The following ZNF362 variants were observed in gnomAD, a reference collection of about 807,000 sequenced individuals.
ZNF362 encodes zinc finger protein 362, also known as rotund homolog.
ZNF362 carries 11 observed loss-of-function variants against 42.9 expected under a neutral mutation model. That is an observed-to-expected ratio of 0.26 (90% CI 0.16 to 0.42). ZNF362 has a LOEUF of 0.42. Ranked by LOEUF, ZNF362 falls within the 20% of genes least tolerant of loss-of-function variation. The pLI is 1.00. For missense variants in ZNF362, 362 were observed against 576.2 expected (o/e 0.63, Z 3.81); for synonymous variants, 255 against 257.3 (o/e 0.99, Z 0.09).
At chr1:33,194,218 G>A in the ZNF362 span, among the ~76,000 whole-genome samples, 1 of 152,144 alleles carries the variant, frequency 6.6e-6, no homozygotes, top group East Asian at 1.9e-4. Flanking sequence ...AGCACAAAGA[G>A]ATGAAATTAT....
the ZNF362 span, among the ~76,000 whole-genome samples, chr1:33,131,094 G>T: frequency 6.6e-6 from 1 of 152,200 alleles, no homozygotes; most frequent in South Asian, 2.1e-4. Context: ...CAGACTCAAG[G>T]TTGGTCAAAG....
the ZNF362 span, among the ~76,000 whole-genome samples, chr1:33,171,877 G>C: frequency 6.6e-6 from 1 of 152,146 alleles, no homozygotes; most frequent in African/African-American, 2.4e-5. Flanking sequence ...TGCCTCCCAG[G>C]TTCAAGTGAT....
chr1:33,181,145 G>A, the ZNF362 span: 3 of 1,600,402 alleles, frequency 1.9e-6, no homozygotes, highest in South Asian at 3.3e-5. The surrounding 1 kb of genome is among the most constrained non-coding windows in gnomAD (Gnocchi z 6.5). Context: ...TGACCTTGTC[G>A]TGCGCCTGGC....
chr1:33,275,884 G>C (rs570087783), intron 2 of ZNF362, among the ~76,000 whole-genome samples: 18 of 152,076 alleles, frequency 1.2e-4, no homozygotes, highest in South Asian at 6.2e-4. Flanking sequence ...GCCCACTAAG[G>C]GGGGGTGGTG....
the ZNF362 span, among the ~76,000 whole-genome samples, chr1:33,249,497 A>G: frequency 1.3e-5 from 2 of 152,206 alleles, no homozygotes; most frequent in Non-Finnish European, 2.9e-5. Flanking sequence ...TCTGCTTAAC[A>G]GGGCCAAATG....
chr1:33,194,157 A>G, the ZNF362 span, among the ~76,000 whole-genome samples: 3 of 152,354 alleles, frequency 2.0e-5, no homozygotes, highest in Admixed American at 6.5e-5. Context: ...AGAGAGAATT[A>G]GTACACTCAA....
chr1:33,215,423 A>T, the ZNF362 span, among the ~76,000 whole-genome samples: 115 of 152,302 alleles, frequency 7.6e-4, no homozygotes, highest in South Asian at 8.1e-3. Context: ...AATGAATAAT[A>T]TCCTAGTATT....
chr1:33,278,798 A>G (rs975582149), intron 4 of ZNF362, among the ~76,000 whole-genome samples: 1 of 152,230 alleles, frequency 6.6e-6, no homozygotes, highest in Admixed American at 6.5e-5. Context: ...TCACTGTATC[A>G]CATCGATCTT....
the ZNF362 span, chr1:33,195,956 A>ACTTAG: frequency 6.6e-6 from 1 of 152,140 alleles, no homozygotes; most frequent in African/African-American, 2.4e-5. Flanking sequence ...CTGTAATAAC[A>ACTTAG]CTTAGCTTAA....
At chr1:33,128,576 C>T in the ZNF362 span, among the ~76,000 whole-genome samples, 8 of 152,302 alleles carry the variant, frequency 5.3e-5, no homozygotes, top group Admixed American at 4.6e-4. Flanking sequence ...AATCACTATA[C>T]CTGCCCCACC....
At chr1:33,138,183 C>T in the ZNF362 span, among the ~76,000 whole-genome samples, 3 of 152,054 alleles carry the variant, frequency 2.0e-5, no homozygotes, top group East Asian at 1.9e-4. Context: ...GCATCTGCTG[C>T]GGCAGGTTCC....
At chr1:33,196,908 G>T in the ZNF362 span, among the ~76,000 whole-genome samples, 1 of 152,126 alleles carries the variant, frequency 6.6e-6, no homozygotes, top group African/African-American at 2.4e-5. Context: ...ACTGTTTCTG[G>T]GTGTGCCTGT....
the ZNF362 span, among the ~76,000 whole-genome samples, chr1:33,250,165 C>T: frequency 2.0e-3 from 311 of 152,268 alleles, 1 homozygote; most frequent in African/African-American, 7.0e-3. Context: ...AGTTAGAGGA[C>T]CTTAGCTAGA....
chr1:33,183,016 A>G, the ZNF362 span, among the ~76,000 whole-genome samples: 6 of 152,232 alleles, frequency 3.9e-5, no homozygotes, highest in African/African-American at 1.4e-4. Flanking sequence ...CACAGCACTC[A>G]GCACACAGTA....
chr1:33,219,901 T>C, the ZNF362 span, among the ~76,000 whole-genome samples: 6 of 152,170 alleles, frequency 3.9e-5, no homozygotes, highest in Admixed American at 1.3e-4. Context: ...TCTTCCTCCT[T>C]GCTACCCCAA....
At chr1:33,127,633 T>C in the ZNF362 span, among the ~76,000 whole-genome samples, 1 of 152,334 alleles carries the variant, frequency 6.6e-6, no homozygotes, top group Middle Eastern at 3.4e-3. Flanking sequence ...TACTTTCGCT[T>C]CTACTTAAAA....
the ZNF362 span, among the ~76,000 whole-genome samples, chr1:33,156,727 C>T: frequency 6.6e-6 from 1 of 152,200 alleles, no homozygotes; most frequent in Non-Finnish European, 1.5e-5. Context: ...GCTGGCTTGT[C>T]ATCCCTACTG....
chr1:33,142,686 G>C, the ZNF362 span: 1 of 152,228 alleles, frequency 6.6e-6, no homozygotes, highest in South Asian at 2.1e-4. Context: ...CGTGGAGCCT[G>C]GTTTAACCTC....
Position 33,295,127 on chromosome 1 carries a change from C to T in ZNF362, c.988-20C>T. 2.5e-6 allele frequency: 4 copies of T among 1,613,698 alleles called. No individual in the cohort carries two copies. Among genetic ancestry groups the T allele is most frequent in the Middle Eastern group, 1.6e-4 (1 of 6,062 alleles). ...GAGGGAGCCCTGTTCCTCTCCTGAC[C>T]CCCTGCTGTGCCCCTACAGTCTCAC... On this transcript the variant is annotated intron_variant, in intron 7 of 8. Coordinates refer to ENST00000539719, the MANE Select transcript of ZNF362 (RefSeq NM_152493.3).
Sources: allele counts gnomAD v4.1 joint callset (sites outside exome capture counted in the v4.1 genomes callset), GRCh38; gene constraint gnomAD v4.1.1; non-coding constraint Gnocchi (gnomAD v3.1); transcripts MANE v1.5; gene names NCBI Gene and HGNC (gene_info 2026-07-23, HGNC 2026-07-21).